Variants in RTF1 observed in about 807,000 individuals in gnomAD.
The protein encoded by RTF1 is RNA polymerase-associated protein RTF1 homolog.
A neutral mutation model predicts 95.7 loss-of-function variants in RTF1; 10 were observed. The ratio of observed to expected loss-of-function variants is 0.10; its 90% CI spans 0.06 to 0.18. The LOEUF (loss-of-function observed/expected upper bound fraction) is 0.18. RTF1 is among the 10% of genes least tolerant of loss of function. The probability of loss-of-function intolerance (pLI) is 1.00; values close to 1 mark genes in which losing one functional copy is unlikely to be tolerated. For synonymous variants in RTF1, 305 were observed against 311.8 expected, an observed-to-expected ratio of 0.98 and a Z score of 0.23; for missense variants, 458 against 875.6, an observed-to-expected ratio of 0.52 and a Z score of 6.02.
At chr15:41,434,144 C>CTTTTT (rs58239721) in intron 1 of RTF1, among the ~76,000 whole-genome samples, 1 of 136,216 alleles carries the variant, frequency 7.3e-6, no homozygotes, top group Non-Finnish European at 1.6e-5. Context: ...CACGCCTGGC[C>CTTTTT]TTTTTTTTTT....
intron 4 of RTF1, among the ~76,000 whole-genome samples, chr15:41,464,351 C>T (rs572608713): frequency 2.0e-5 from 3 of 150,836 alleles, no homozygotes; most frequent in South Asian, 2.1e-4. Flanking sequence ...CGGATTAAAG[C>T]GATTCTCCTG....
intron 15 of RTF1, 130 bp downstream of exon 15, chr15:41,478,755 G>C (rs2050955024): frequency 7.6e-6 from 6 of 790,684 alleles, no homozygotes; most frequent in Non-Finnish European, 1.3e-5. Context: ...TGAAGCTCTT[G>C]GGTCTGGATA....
chr15:41,438,479 T>C, intron 2 of RTF1, 48 bp downstream of exon 2: 2 of 1,299,584 alleles, frequency 1.5e-6, no homozygotes, highest in Non-Finnish European at 2.1e-6. Flanking sequence ...TAGTTGAGGC[T>C]CCTCGCTTTG....
Position 41,464,866 on chromosome 15 carries a change from C to T in RTF1, c.758C>T (p.Thr253Ile), listed in dbSNP as rs1408289388. ...GAGGAGCAAGAAAAGAAAAAACTGA[C>T]ACAGATTCAAGAATCTCAGGTAGGA... Reference protein sequence around the residue: ...QEEEQEKKKLTQIQESQVTSH... With the variant: ...QEEEQEKKKLIQIQESQVTSH... The change falls in exon 5 of 18, where the codon ACA (threonine) becomes ATA (isoleucine). Residue 253 changes from threonine (T) to isoleucine (I), a missense_variant. Physicochemically the swap from Thr to Ile is moderately conservative, Grantham distance 89. Transcript: ENST00000389629. The T allele has an allele frequency of 6.5e-7, 1 of 1,531,348 alleles. No homozygotes were observed. Among genetic ancestry groups the T allele is most frequent in the East Asian group, 2.4e-5 (1 of 40,984 alleles). The allele number at this position is 1,531,348 out of a possible 1,614,324, so 94.9% of individuals were successfully genotyped here. A position where few individuals can be genotyped will look rare whatever the true frequency, so the allele number is the denominator to read the frequency against.
At chr15:41,431,994 T>C (rs1270826744) in intron 1 of RTF1, among the ~76,000 whole-genome samples, 2 of 151,594 alleles carry the variant, frequency 1.3e-5, no homozygotes, top group East Asian at 3.9e-4. Flanking sequence ...AGAGACGTGG[T>C]TTCACCATGC....
At chr15:41,461,544 G>C (rs1255555213) in intron 4 of RTF1, among the ~76,000 whole-genome samples, 1 of 148,916 alleles carries the variant, frequency 6.7e-6, no homozygotes, top group African/African-American at 2.5e-5. Flanking sequence ...CCAGGCTGGA[G>C]TGCAGTGGCG....
intron 4 of RTF1, among the ~76,000 whole-genome samples, chr15:41,462,115 T>C (rs2050852521): frequency 1.3e-5 from 2 of 152,060 alleles, no homozygotes; most frequent in Non-Finnish European, 2.9e-5. Flanking sequence ...AAGACAGAGG[T>C]TCAGAGCCAT....
rs990893993 is a variant in RTF1 at position 41,481,531 on chromosome 15, G to T, written c.*844G>T. 6.6e-6 allele frequency: 1 copy of T among 152,548 alleles called. No individual in the cohort carries two copies. The highest frequency in any genetic ancestry group is 1.5e-5 in the Non-Finnish European group (1 of 68,016). The allele number at this position is 152,548 out of a possible 1,614,324, so 9.4% of individuals were successfully genotyped here. On this transcript the variant is annotated 3_prime_UTR_variant, in exon 18 of 18. Transcript: ENST00000389629. ...TCCCAACTTTGGAGAAAACTCCCCA[G>T]TTTAGCCCCCTGACCTGCAGGCTGT...
rs2050585657 is a variant in RTF1, at chr15:41,418,856, T to A, written c.198+1543T>A. ...ATAAAAGGGGAGGACTTTTTATTTATTTATTTATTTTTTTTTGAGACGGAG... is the reference window on the plus strand; with the variant it reads ...ATAAAAGGGGAGGACTTTTTATTTAATTATTTATTTTTTTTTGAGACGGAG... On this transcript the variant is annotated intron_variant, in intron 1 of 17. Transcript: ENST00000389629. 2.6e-5 allele frequency among the ~76,000 whole-genome samples: 4 copies of A among 151,766 alleles called. No individual in the cohort carries two copies. The South Asian group carries it at 8.3e-4, about 31-fold the overall frequency.
chr15:41,437,152 G>A (rs940191248), intron 1 of RTF1, among the ~76,000 whole-genome samples: 3 of 152,026 alleles, frequency 2.0e-5, no homozygotes, highest in African/African-American at 7.2e-5. Context: ...ATCTTTAAAT[G>A]GTAATGATAT....
At chr15:41,436,698 G>A (rs916161979) in intron 1 of RTF1, among the ~76,000 whole-genome samples, 1 of 151,878 alleles carries the variant, frequency 6.6e-6, no homozygotes, top group African/African-American at 2.4e-5. Flanking sequence ...GGAGGCTGAG[G>A]CACGGCCATT....
chr15:41,468,198 C>T (rs2050890189), intron 6 of RTF1, among the ~76,000 whole-genome samples: 1 of 149,960 alleles, frequency 6.7e-6, no homozygotes, highest in Non-Finnish European at 1.5e-5. Flanking sequence ...ATAACGTGTT[C>T]TGTCCTAGTA....
chr15:41,465,661 T>TA (rs2050877275), intron 5 of RTF1, among the ~76,000 whole-genome samples: 1 of 151,756 alleles, frequency 6.6e-6, no homozygotes, highest in Non-Finnish European at 1.5e-5. Flanking sequence ...AGCAGCCCAC[T>TA]AGTGAGTGAC....
intron 6 of RTF1, among the ~76,000 whole-genome samples, chr15:41,468,386 CGGCTCACT>C (rs1450603813): frequency 2.0e-5 from 3 of 151,880 alleles, no homozygotes; most frequent in Non-Finnish European, 2.9e-5. Flanking sequence ...GGCGCGATCT[CGGCTCACT>C]GCAAGCTCCG....
intron 1 of RTF1, among the ~76,000 whole-genome samples, chr15:41,419,533 A>G (rs1479049382): frequency 6.6e-6 from 1 of 152,200 alleles, no homozygotes; most frequent in African/African-American, 2.4e-5. Flanking sequence ...AATGTTTCAC[A>G]GTCATTTTTC....
intron 1 of RTF1, among the ~76,000 whole-genome samples, chr15:41,424,232 A>G (rs992777145): frequency 2.6e-5 from 4 of 152,194 alleles, no homozygotes; most frequent in African/African-American, 9.6e-5. Flanking sequence ...CCATGAAGCA[A>G]GGACAAGAAT....
At chr15:41,471,945 C>T (rs1352717396) in intron 8 of RTF1, among the ~76,000 whole-genome samples, 2 of 152,086 alleles carry the variant, frequency 1.3e-5, no homozygotes, top group Non-Finnish European at 2.9e-5. Flanking sequence ...GTCACCCAGG[C>T]TGGAGTGCAA....
intron 13 of RTF1, 79 bp downstream of exon 13, chr15:41,477,365 C>CTGCACTGA: frequency 1.9e-6 from 3 of 1,612,674 alleles, no homozygotes; most frequent in Non-Finnish European, 2.5e-6. Flanking sequence ...ACACTCTGTG[C>CTGCACTGA]TGCACTGACC....
At chr15:41,426,144 G>T (rs550868985) in intron 1 of RTF1, among the ~76,000 whole-genome samples, 1 of 151,822 alleles carries the variant, frequency 6.6e-6, no homozygotes, top group Non-Finnish European at 1.5e-5. Flanking sequence ...ATTTTTTTTG[G>T]AGGTGGAGTC....
Sources: gnomAD v4.1 joint callset for allele counts (sites outside exome capture counted in the v4.1 genomes callset) on GRCh38, gnomAD v4.1.1 for gene constraint, MANE v1.5 for transcripts, NCBI Gene and HGNC (gene_info 2026-07-23, HGNC 2026-07-21) for gene names.